Variants in PTPRD observed in about 807,000 individuals in gnomAD.
The protein encoded by PTPRD is protein tyrosine phosphatase receptor type D.
PTPRD carries 34 observed loss-of-function variants against 214.5 expected under a neutral mutation model. The ratio of observed to expected loss-of-function variants is 0.16; its 90% CI spans 0.12 to 0.21. PTPRD has a LOEUF of 0.21. Ranked by LOEUF, PTPRD falls within the 10% of genes least tolerant of loss-of-function variation. PTPRD has a pLI of 1.00. For missense variants in PTPRD, 2,545 were observed against 2,398.7 expected, an observed-to-expected ratio of 1.06 and a Z score of -1.27; for synonymous variants, 1,128 against 845.7, an observed-to-expected ratio of 1.33 and a Z score of -5.79.
intron 8 of PTPRD, among the ~76,000 whole-genome samples, chr9:9,472,750 G>A (rs1589307157): frequency 6.6e-6 from 1 of 152,240 alleles, no homozygotes; most frequent in South Asian, 2.1e-4. Flanking sequence ...TGCTTTTTAA[G>A]TTCCCTTAAT....
At chr9:9,826,059 CT>C (rs1244015859) in intron 5 of PTPRD, among the ~76,000 whole-genome samples, 1 of 151,610 alleles carries the variant, frequency 6.6e-6, no homozygotes, top group East Asian at 1.9e-4. Flanking sequence ...GTTCTGCTCT[CT>C]TTTATTTGTT....
chr9:10,185,674 C>A (rs1219083898), intron 3 of PTPRD, among the ~76,000 whole-genome samples: 1 of 152,082 alleles, frequency 6.6e-6, no homozygotes, highest in African/African-American at 2.4e-5. Flanking sequence ...TGTCAGTTAT[C>A]TTCTGTTTAT....
At chr9:10,047,351 T>TGTGC (rs1248553506) in intron 3 of PTPRD, among the ~76,000 whole-genome samples, 6 of 150,284 alleles carry the variant, frequency 4.0e-5, no homozygotes, top group Non-Finnish European at 7.4e-5. Flanking sequence ...TGTGTGTGTG[T>TGTGC]GCTTGTGTGA....
intron 3 of PTPRD, among the ~76,000 whole-genome samples, chr9:10,126,809 G>A (rs2098823242): frequency 6.6e-6 from 1 of 152,096 alleles, no homozygotes; most frequent in Admixed American, 6.6e-5. Flanking sequence ...TTGTTCCACT[G>A]TTCAAGCTTG....
At chr9:10,279,707 A>C (rs1327661425) in intron 3 of PTPRD, among the ~76,000 whole-genome samples, 3 of 129,094 alleles carry the variant, frequency 2.3e-5, no homozygotes, top group African/African-American at 9.4e-5. Flanking sequence ...AGTGCAAAAC[A>C]GAAAAAAAAA....
chr9:8,575,571 T>C (rs1398839119), intron 14 of PTPRD, among the ~76,000 whole-genome samples: 1 of 152,226 alleles, frequency 6.6e-6, no homozygotes, highest in African/African-American at 2.4e-5. Flanking sequence ...TCTAGACCAG[T>C]GTCTCTGCAA....
chr9:10,244,428 T>A (rs965643957), intron 3 of PTPRD, among the ~76,000 whole-genome samples: 3 of 152,138 alleles, frequency 2.0e-5, no homozygotes, highest in Non-Finnish European at 2.9e-5. Flanking sequence ...TTTACAAGTA[T>A]GTTGATATGT....
chr9:8,592,802 G>A (rs2094210184), intron 14 of PTPRD, among the ~76,000 whole-genome samples: 1 of 152,196 alleles, frequency 6.6e-6, no homozygotes, highest in African/African-American at 2.4e-5. Flanking sequence ...GCGTGTTAAT[G>A]CAGCTATTAC....
At chr9:9,785,305 T>C (rs1393418469) in intron 5 of PTPRD, among the ~76,000 whole-genome samples, 1 of 151,992 alleles carries the variant, frequency 6.6e-6, no homozygotes, top group Non-Finnish European at 1.5e-5. Flanking sequence ...TTGCATAATC[T>C]CACAGTATCT....
At chr9:8,906,310 C>T (rs936097424) in intron 11 of PTPRD, among the ~76,000 whole-genome samples, 1 of 152,096 alleles carries the variant, frequency 6.6e-6, no homozygotes, top group African/African-American at 2.4e-5. Context: ...TTAACTCTAC[C>T]TTGTTCCAAA....
intron 20 of PTPRD, 138 bp downstream of exon 20, chr9:8,521,139 A>T: frequency 9.7e-7 from 1 of 1,033,154 alleles, no homozygotes; most frequent in Non-Finnish European, 1.4e-6. Context: ...ATAATACCAC[A>T]GATATGATTA....
At chr9:8,780,991 G>A (rs1566005339) in intron 11 of PTPRD, among the ~76,000 whole-genome samples, 1 of 152,182 alleles carries the variant, frequency 6.6e-6, no homozygotes, top group Non-Finnish European at 1.5e-5. Context: ...ACCCAGGGGA[G>A]CTATTACACT....
chr9:9,972,151 T>A lies in PTPRD; in HGVS notation c.-471-33541A>T, dbSNP rs550726882. 2.1e-3 allele frequency among the ~76,000 whole-genome samples: 325 copies of A among 151,574 alleles called. 1 individual carries two copies. Among genetic ancestry groups the A allele is most frequent in the African/African-American group, 7.2e-3 (296 of 40,908 alleles). The stretch of plus-strand genomic sequence containing the variant: ...ACGTAGAAATTGACAGTCAGAAACA[T>A]GACTTTGAATTATGTTATAGCCCAC... On this transcript the variant is annotated intron_variant, in intron 4 of 45. Coordinates refer to ENST00000381196, the MANE Select transcript of PTPRD (RefSeq NM_002839.4).
rs549541598 is a variant in PTPRD, at chr9:8,627,914, C to T, written c.352+5403G>A. On this transcript the variant is annotated intron_variant, in intron 14 of 45. Transcript: ENST00000381196. ...GTGGCTCTGCCCACTACCACCTTTT[C>T]CCAGCATGGAAATGAGGTACACACG... Among the ~76,000 whole-genome samples, 9 of 152,020 alleles carry T rather than the reference C, an allele frequency of 5.9e-5. No homozygotes were observed. The East Asian group carries it at 1.7e-3, about 30-fold the overall frequency.
At chr9:8,419,233 T>TA (rs2094177855) in intron 35 of PTPRD, among the ~76,000 whole-genome samples, 24 of 109,184 alleles carry the variant, frequency 2.2e-4, no homozygotes, top group African/African-American at 7.9e-4. Flanking sequence ...CTCCAAAAAA[T>TA]TAAAAAAAAA....
At chr9:9,432,625 T>C (rs531062360) in intron 8 of PTPRD, among the ~76,000 whole-genome samples, 1 of 152,230 alleles carries the variant, frequency 6.6e-6, no homozygotes, top group African/African-American at 2.4e-5. Context: ...TGCAGACCCA[T>C]GCCTCTGCCT....
intron 11 of PTPRD, among the ~76,000 whole-genome samples, chr9:8,914,827 G>T (rs2098773334): frequency 6.6e-6 from 1 of 152,106 alleles, no homozygotes. Flanking sequence ...CCAATAAAAA[G>T]CAGACTAACA....
At chr9:9,381,935 G>A (rs2062425198) in intron 9 of PTPRD, among the ~76,000 whole-genome samples, 1 of 150,614 alleles carries the variant, frequency 6.6e-6, no homozygotes, top group Non-Finnish European at 1.5e-5. Flanking sequence ...GGGTTTTAAT[G>A]TGGATAACAT....
chr9:10,050,240 T>C (rs1052469621), intron 3 of PTPRD, among the ~76,000 whole-genome samples: 1 of 151,692 alleles, frequency 6.6e-6, no homozygotes, highest in Non-Finnish European at 1.5e-5. Flanking sequence ...TTGGCCATAC[T>C]TGCAGGCTGA....
Sources: gnomAD v4.1 joint callset for allele counts (sites outside exome capture counted in the v4.1 genomes callset) on GRCh38, gnomAD v4.1.1 for gene constraint, MANE v1.5 for transcripts, NCBI Gene and HGNC (gene_info 2026-07-23, HGNC 2026-07-21) for gene names.